The following MS4A6E variants were observed in gnomAD, a reference collection of about 807,000 sequenced individuals.
MS4A6E encodes the protein membrane-spanning 4-domains subfamily A member 6E.
Under a neutral mutation model 13.2 loss-of-function variants are expected in MS4A6E, and 8 were observed. That is an observed-to-expected ratio of 0.60 (90% CI 0.35 to 1.09). The LOEUF is 1.09. Among genes scored for constraint, MS4A6E ranks in the 50% least tolerant of loss-of-function variants. The pLI is 0.02. For synonymous variants in MS4A6E, 72 were observed against 67.6 expected (o/e 1.06, Z -0.32); for missense variants, 177 against 171.1 (o/e 1.03, Z -0.19).
chr11:60,339,554 C>T (rs993361543), intron 3 of MS4A6E, among the ~76,000 whole-genome samples: 1 of 152,170 alleles, frequency 6.6e-6, no homozygotes, highest in Non-Finnish European at 1.5e-5. Context: ...AGCTATTACG[C>T]CACTCTGCTC....
rs1438067139 is a variant in MS4A6E, at chr11:60,334,929, A to G, written c.34A>G (p.Ile12Val). Residue 12 changes from isoleucine (I) to valine (V), a missense_variant, in exon 2 of 5, where the codon ATA becomes GTA. Physicochemically the swap from Ile to Val is conservative, Grantham distance 29. Coordinates refer to ENST00000684409, the MANE Select transcript of MS4A6E (RefSeq NM_139249.4). ...ACAACCTATTTCCAATGAGACCATCATAATGCTCCCATCAAATGTCATCAA... is the reference window on the plus strand; with the variant it reads ...ACAACCTATTTCCAATGAGACCATCGTAATGCTCCCATCAAATGTCATCAA... The part of the protein sequence containing the change: ...TSQPISNETI[I>V]MLPSNVINFS... 1.2e-6 allele frequency: 2 copies of G among 1,614,000 alleles called. No individual in the cohort carries two copies. Among genetic ancestry groups the G allele is most frequent in the Non-Finnish European group, 8.5e-7 (1 of 1,179,968 alleles).
rs1045634243 is a variant in MS4A6E at position 60,329,034 on chromosome 11, T to C, written c.-15+1626T>C. ...TATACTTTAAGTTCTGGGATACATG[T>C]GCAGAACGTGCAGGTTTGTTACACA... On this transcript the variant is annotated intron_variant, in intron 1 of 4. Coordinates refer to ENST00000684409, the MANE Select transcript of MS4A6E (RefSeq NM_139249.4). 5.3e-5 allele frequency among the ~76,000 whole-genome samples: 8 copies of C among 152,326 alleles called. No individual in the cohort carries two copies. The East Asian group carries it at 7.7e-4, about 15-fold the overall frequency.
intron 4 of MS4A6E, among the ~76,000 whole-genome samples, chr11:60,348,332 C>T (rs1053216291): frequency 1.3e-5 from 2 of 152,268 alleles, no homozygotes; most frequent in African/African-American, 4.8e-5. Context: ...CCTAGAAATA[C>T]CACGTGCTTG....
intron 1 of MS4A6E, among the ~76,000 whole-genome samples, chr11:60,330,394 T>G (rs12806852): frequency 0.3 from 39,099 of 130,462 alleles, 6,896 homozygotes; most frequent in Admixed American, 0.36. Context: ...CAGGCTGGAG[T>G]GCAGTGGCGC....
Position 60,334,941 on chromosome 11 carries a change from T to C in MS4A6E, c.46T>C (p.Ser16Pro), listed in dbSNP as rs1200136983. Residue 16 changes from serine (S) to proline (P), a missense_variant, in exon 2 of 5, where the codon TCA becomes CCA. Physicochemically the swap from Ser to Pro is moderately conservative, Grantham distance 74 (BLOSUM62 -1). Coordinates refer to ENST00000684409, the MANE Select transcript of MS4A6E (RefSeq NM_139249.4). ...CAATGAGACCATCATAATGCTCCCA[T>C]CAAATGTCATCAACTTCTCCCAAGC... ...ISNETIIMLP[S>P]NVINFSQAEK... 1 of 1,613,934 alleles carries C rather than the reference T, an allele frequency of 6.2e-7. No homozygotes were observed. The highest frequency in any genetic ancestry group is 8.5e-7 in the Non-Finnish European group (1 of 1,179,986).
downstream of MS4A6E, among the ~76,000 whole-genome samples, chr11:60,343,711 G>A (rs965914445): frequency 6.6e-6 from 1 of 152,130 alleles, no homozygotes; most frequent in Non-Finnish European, 1.5e-5. Context: ...GTTAAAGGTG[G>A]GACTGAGTAA....
In MS4A6E at chr11:60,334,955, C is replaced by T. The variant is rs760721768; in HGVS notation, c.60C>T (p.Asn20=). Residue 20 remains asparagine, a synonymous_variant, in exon 2 of 5, where the codon AAC becomes AAT. Coordinates refer to ENST00000684409, the MANE Select transcript of MS4A6E (RefSeq NM_139249.4). ...TAATGCTCCCATCAAATGTCATCAA[C>T]TTCTCCCAAGCAGAGAAACCCGAAC... ...TIIMLPSNVI[N]FSQAEKPEPT... is the part of the protein sequence containing the mutation. The T allele has an allele frequency of 6.2e-7, 1 of 1,614,164 alleles. No individual in the cohort carries two copies. The highest frequency in any genetic ancestry group is 8.5e-7 in the Non-Finnish European group (1 of 1,180,016).
rs574744994 is a variant in MS4A6E, at chr11:60,330,238, C to G, written c.-15+2830C>G. On this transcript the variant is annotated intron_variant, in intron 1 of 4. Coordinates refer to ENST00000684409, the MANE Select transcript of MS4A6E (RefSeq NM_139249.4). ...CAGATGGATAGATTGCAAAAATTTTCTCCCATTCTGTAGGTCGCCTGTTCA... is the reference window on the plus strand; with the variant it reads ...CAGATGGATAGATTGCAAAAATTTTGTCCCATTCTGTAGGTCGCCTGTTCA... Among the ~76,000 whole-genome samples the G allele has an allele frequency of 5.6e-3, 831 of 148,914 alleles. 26 individuals are homozygous for G. Among genetic ancestry groups the G allele is most frequent in the Non-Finnish European group, 8.7e-3 (590 of 67,514 alleles).
intron 2 of MS4A6E, among the ~76,000 whole-genome samples, chr11:60,335,929 G>A (rs1167504737): frequency 2.0e-5 from 3 of 152,136 alleles, no homozygotes; most frequent in Non-Finnish European, 4.4e-5. Context: ...ACACGTAGAA[G>A]GGAACAATGC....
At chr11:60,344,330 T>A (rs1590778456), downstream of MS4A6E, among the ~76,000 whole-genome samples, 1 of 152,332 alleles carries the variant, frequency 6.6e-6, no homozygotes, top group East Asian at 1.9e-4. Context: ...ATGCCCTTCA[T>A]CTTTGGCATG....
intron 1 of MS4A6E, among the ~76,000 whole-genome samples, chr11:60,329,554 T>C (rs150277433): frequency 1.5e-4 from 23 of 152,294 alleles, no homozygotes; most frequent in East Asian, 1.2e-3. Context: ...TCTAGGTCCT[T>C]GAGGAATCAC....
At chr11:60,328,652 C>T (rs1177146605) in intron 1 of MS4A6E, among the ~76,000 whole-genome samples, 1 of 152,086 alleles carries the variant, frequency 6.6e-6, no homozygotes, top group East Asian at 1.9e-4. Context: ...TACCCAGACA[C>T]AGAGACATAT....
chr11:60,342,194 AGAGAGAGGGG>A (rs779171159), downstream of MS4A6E, among the ~76,000 whole-genome samples: 1,159 of 84,588 alleles, frequency 0.014, 37 homozygotes, highest in African/African-American at 0.055. Context: ...AGAGAGAGAG[AGAGAGAGGGG>A]GGGGGAGAGA....
At chr11:60,342,142 CAA>C (rs373405200), downstream of MS4A6E, among the ~76,000 whole-genome samples, 116 of 129,614 alleles carry the variant, frequency 8.9e-4, no homozygotes, top group African/African-American at 3.3e-3. Context: ...AGAGGATAAA[CAA>C]GTGTGTGTGT....
chr11:60,335,265 G>A (rs932870858), intron 2 of MS4A6E, among the ~76,000 whole-genome samples: 32 of 152,052 alleles, frequency 2.1e-4, no homozygotes, highest in African/African-American at 7.7e-4. Flanking sequence ...TTGATTTTCT[G>A]TTGTTGTCTT....
chr11:60,342,175 GTGTGAGAGAGAGAGAGAGA>G (rs1565157561), downstream of MS4A6E, among the ~76,000 whole-genome samples: 32 of 31,784 alleles, frequency 1.0e-3, no homozygotes, highest in African/African-American at 3.0e-3. Context: ...GTGTGTGTGT[GTGTGAGAGAGAGAGAGAGA>G]GAGAGAGGGG....
chr11:60,327,866 C>T lies in MS4A6E; in HGVS notation c.-15+458C>T, dbSNP rs182888169. On this transcript the variant is annotated intron_variant, in intron 1 of 4. Coordinates refer to ENST00000684409, the MANE Select transcript of MS4A6E (RefSeq NM_139249.4). ...CTGATATGGTGAAACCTCGTCTCTA[C>T]CAAAAATACAAAAATTAGCCTGTCA... 9.9e-5 allele frequency among the ~76,000 whole-genome samples: 15 copies of T among 151,808 alleles called. No homozygotes were observed. The East Asian group carries it at 2.5e-3, about 26-fold the overall frequency.
intron 1 of MS4A6E, among the ~76,000 whole-genome samples, chr11:60,328,197 G>C (rs1160634336): frequency 6.6e-6 from 1 of 152,068 alleles, no homozygotes; most frequent in Non-Finnish European, 1.5e-5. Context: ...AGTGTTCAGG[G>C]AACTGACTGC....
At chr11:60,330,498 GC>G (rs1565155002) in intron 1 of MS4A6E, among the ~76,000 whole-genome samples, 5 of 151,208 alleles carry the variant, frequency 3.3e-5, no homozygotes, top group Non-Finnish European at 7.4e-5. Context: ...CCACCACCAC[GC>G]CCAGCTAATT....
Sources: allele counts gnomAD v4.1 joint callset (sites outside exome capture counted in the v4.1 genomes callset), GRCh38; gene constraint gnomAD v4.1.1; transcripts MANE v1.5; gene names NCBI Gene and HGNC (gene_info 2026-07-23, HGNC 2026-07-21).